OR2A12: variants seen among roughly 807,000 people sequenced by gnomAD.
OR2A12 encodes the protein olfactory receptor family 2 subfamily A member 12.
For synonymous variants in OR2A12, 153 were observed against 149.3 expected (o/e 1.02, Z -0.18); for missense variants, 380 against 372.5 (o/e 1.02, Z -0.17).
Position 144,097,086 on chromosome 7 carries a change from A to G in OR2A12, c.*1046A>G, listed in dbSNP as rs2051270515. 6.6e-6 allele frequency: 1 copy of G among 152,138 alleles called. No homozygotes were observed. The highest frequency in any genetic ancestry group is 1.5e-5 in the Non-Finnish European group (1 of 68,020). 9.4% of individuals were successfully genotyped at this position (152,138 alleles called of 1,614,324 possible). A position where few individuals can be genotyped will look rare whatever the true frequency, so the allele number is the denominator to read the frequency against. ...TCACACGTGCACACACATTTGAGAA[A>G]GAAGAAACAAACTGTAATTACATAC... On this transcript the variant is annotated 3_prime_UTR_variant, in exon 2 of 2. Transcript: ENST00000641592.
Position 144,098,066 on chromosome 7 carries a change from T to C in OR2A12, c.*2026T>C, listed in dbSNP as rs1466490865. ...TGAAAGGACAAGCCACAAAATCTTC[T>C]GGAAGACTTTCTGATTTATCAGCTC... On this transcript the variant is annotated 3_prime_UTR_variant, in exon 2 of 2. Coordinates refer to ENST00000641592, the MANE Select transcript of OR2A12 (RefSeq NM_001004135.2). 6.6e-6 allele frequency: 1 copy of C among 152,210 alleles called. No individual in the cohort carries two copies. Among genetic ancestry groups the C allele is most frequent in the Non-Finnish European group, 1.5e-5 (1 of 68,046 alleles). The allele number at this position is 152,210 out of a possible 1,614,324, so 9.4% of individuals were successfully genotyped here.
In OR2A12 at chr7:144,096,681, A is replaced by G. The variant is rs1374184756; in HGVS notation, c.*641A>G. The G allele has an allele frequency of 6.6e-6, 1 of 152,180 alleles. No individual in the cohort carries two copies. Among genetic ancestry groups the G allele is most frequent in the Admixed American group, 6.5e-5 (1 of 15,278 alleles). 9.4% of individuals were successfully genotyped at this position (152,180 alleles called of 1,614,324 possible). ...CTATGTATACCCTTAAAATGCAGCAATAATTTAACATTAAAACAAACAACA... is the reference window on the plus strand; with the variant it reads ...CTATGTATACCCTTAAAATGCAGCAGTAATTTAACATTAAAACAAACAACA... On this transcript the variant is annotated 3_prime_UTR_variant, in exon 2 of 2. Coordinates refer to ENST00000641592, the MANE Select transcript of OR2A12 (RefSeq NM_001004135.2).
Position 144,098,884 on chromosome 7 carries a change from C to G in OR2A12, c.*2844C>G, listed in dbSNP as rs2051284373. ...AGTTATCAGGATCATTGAAGGAGGACTTTCTTTCTCTCTTTCTTCCTTTCT... is the reference window on the plus strand; with the variant it reads ...AGTTATCAGGATCATTGAAGGAGGAGTTTCTTTCTCTCTTTCTTCCTTTCT... On this transcript the variant is annotated 3_prime_UTR_variant, in exon 2 of 2. Coordinates refer to ENST00000641592, the MANE Select transcript of OR2A12 (RefSeq NM_001004135.2). 1 of 152,106 alleles carries G rather than the reference C, an allele frequency of 6.6e-6. No individual in the cohort carries two copies. The highest frequency in any genetic ancestry group is 2.4e-5 in the African/African-American group (1 of 41,508). 9.4% of individuals were successfully genotyped at this position (152,106 alleles called of 1,614,324 possible).
chr7:144,089,304 G>T (rs1263196026), intron 1 of OR2A12, among the ~76,000 whole-genome samples: 1 of 151,446 alleles, frequency 6.6e-6, no homozygotes, highest in Non-Finnish European at 1.5e-5. Context: ...CGGTGTGGGG[G>T]TGTGCGTGTG....
chr7:144,093,975 C>T (rs891607097), intron 1 of OR2A12, among the ~76,000 whole-genome samples: 2 of 152,036 alleles, frequency 1.3e-5, no homozygotes, highest in Non-Finnish European at 2.9e-5. Context: ...CAGAGAAATG[C>T]AAATCAAAAC....
In OR2A12 at chr7:144,095,312, G is replaced by T. The variant is rs1332618865; in HGVS notation, c.205G>T (p.Asp69Tyr). 2 of 1,614,034 alleles carry T rather than the reference G, an allele frequency of 1.2e-6. No individual in the cohort carries two copies. Among genetic ancestry groups the T allele is most frequent in the Admixed American group, 1.7e-5 (1 of 60,018 alleles). Reference sequence around the variant, plus strand: ...CTTCCTGTCACACCTGGCCATTGTGGACATGTCCTATGCCTCGAGTACTGT... The same window carrying T: ...CTTCCTGTCACACCTGGCCATTGTGTACATGTCCTATGCCTCGAGTACTGT... ...YVFLSHLAIV[D>Y]MSYASSTVPK... Residue 69 changes from aspartate to tyrosine, a missense_variant, in exon 2 of 2, where the codon GAC becomes TAC. By Grantham distance (160) the Asp-to-Tyr change is radical. Coordinates refer to ENST00000641592, the MANE Select transcript of OR2A12 (RefSeq NM_001004135.2).
chr7:144,087,143 A>G (rs2051193190), intron 1 of OR2A12, among the ~76,000 whole-genome samples: 1 of 152,150 alleles, frequency 6.6e-6, no homozygotes, highest in Non-Finnish European at 1.5e-5. Flanking sequence ...GGTGTTACAT[A>G]GTTTTTCCTG....
intron 1 of OR2A12, among the ~76,000 whole-genome samples, chr7:144,091,641 T>G (rs2051228583): frequency 1.3e-5 from 2 of 152,118 alleles, no homozygotes; most frequent in South Asian, 2.1e-4. Context: ...ATATGTTTGT[T>G]CGCTGCTTGT....
At position 144,096,298 on chromosome 7, in the gene OR2A12, T is replaced by C. The variant is rs2051264360; in HGVS notation, c.*258T>C. The C allele has an allele frequency of 8.1e-6, 2 of 246,160 alleles. No homozygotes were observed. The highest frequency in any genetic ancestry group is 1.0e-4 in the Admixed American group (2 of 20,034). The allele number at this position is 246,160 out of a possible 1,614,324, so 15.2% of individuals were successfully genotyped here. ...GGCGAAACACTGTCTCTATTAAAAA[T>C]ACAAAAATTAGCCGGGCGTGCTGGT... is the stretch of plus-strand genomic sequence containing the variant. On this transcript the variant is annotated 3_prime_UTR_variant, in exon 2 of 2. Coordinates refer to ENST00000641592, the MANE Select transcript of OR2A12 (RefSeq NM_001004135.2).
chr7:144,086,646 T>C (rs1455369741), intron 1 of OR2A12, 103 bp downstream of exon 1: 1 of 152,188 alleles, frequency 6.6e-6, no homozygotes, highest in African/African-American at 2.4e-5. Context: ...GTCCTCAGGA[T>C]AGAAAGAGAT....
chr7:144,087,582 T>C (rs1403410929), intron 1 of OR2A12, among the ~76,000 whole-genome samples: 1 of 152,232 alleles, frequency 6.6e-6, no homozygotes, highest in East Asian at 1.9e-4. Flanking sequence ...ATTTTGCTTT[T>C]AAAAAATAAA....
chr7:144,092,694 T>C (rs1028055444), intron 1 of OR2A12, among the ~76,000 whole-genome samples: 2 of 152,114 alleles, frequency 1.3e-5, no homozygotes, highest in African/African-American at 4.8e-5. Flanking sequence ...TCTGTAGGTT[T>C]TATAGGTACT....
rs1344025449 is a variant in OR2A12, at chr7:144,095,467, T to C, written c.360T>C (p.Asp120=). ...TGATTTTGGTGATGATGTGCTATGA[T>C]CGGTATGTGGCAATCTGTCACCCCT... ...ECLILVMMCY[D]RYVAICHPLQ... Residue 120 remains aspartate (D), a synonymous_variant, in exon 2 of 2, where the codon GAT becomes GAC. Transcript: ENST00000641592. The C allele has an allele frequency of 8.1e-6, 13 of 1,613,828 alleles. No homozygotes were observed. Among genetic ancestry groups the C allele is most frequent in the Non-Finnish European group, 1.1e-5 (13 of 1,179,848 alleles).
At chr7:144,088,642 T>C (rs1052477629) in intron 1 of OR2A12, among the ~76,000 whole-genome samples, 1 of 152,234 alleles carries the variant, frequency 6.6e-6, no homozygotes, top group Non-Finnish European at 1.5e-5. Context: ...TATATTAATG[T>C]ATACATGCAT....
chr7:144,095,431 TAC>T lies in OR2A12; in HGVS notation c.326_327del (p.Thr109ArgfsTer11). The T allele has an allele frequency of 6.2e-7, 1 of 1,614,074 alleles. No individual in the cohort carries two copies. Among genetic ancestry groups the T allele is most frequent in the East Asian group, 2.2e-5 (1 of 44,876 alleles). On this transcript the variant is annotated frameshift_variant, in exon 2 of 2. Coordinates refer to ENST00000641592, the MANE Select transcript of OR2A12 (RefSeq NM_001004135.2). LOFTEE classifies it low-confidence loss of function (END_TRUNC). Reference sequence around the variant, plus strand: ...CTTTTTTGTATTTGGCGTTTGCTATTACAGAGTGTCTGATTTTGGTGATGATG... The same window carrying T: ...CTTTTTTGTATTTGGCGTTTGCTATTAGAGTGTCTGATTTTGGTGATGATG... ...QTFLYLAFAI[T>X]ECLILVMMCY...
Position 144,096,293 on chromosome 7 carries a change from A to G in OR2A12, c.*253A>G, listed in dbSNP as rs192980492. ...AACATGGCGAAACACTGTCTCTATT[A>G]AAAATACAAAAATTAGCCGGGCGTG... is the stretch of plus-strand genomic sequence containing the variant. On this transcript the variant is annotated 3_prime_UTR_variant, in exon 2 of 2. Transcript: ENST00000641592. 1 of 256,312 alleles carries G rather than the reference A, an allele frequency of 3.9e-6. No homozygotes were observed. Among genetic ancestry groups the G allele is most frequent in the Non-Finnish European group, 7.5e-6 (1 of 133,690 alleles). 15.9% of individuals were successfully genotyped at this position (256,312 alleles called of 1,614,324 possible). A position where few individuals can be genotyped will look rare whatever the true frequency, so the allele number is the denominator to read the frequency against.
chr7:144,094,610 T>C (rs548117758), intron 1 of OR2A12, among the ~76,000 whole-genome samples: 13 of 152,302 alleles, frequency 8.5e-5, no homozygotes, highest in African/African-American at 2.9e-4. Context: ...AGAGGAGAAA[T>C]TGGGAACCCA....
chr7:144,098,047 G>C lies in OR2A12; in HGVS notation c.*2007G>C, dbSNP rs1042131674. The C allele has an allele frequency of 6.6e-6, 1 of 151,860 alleles. No homozygotes were observed. The highest frequency in any genetic ancestry group is 2.4e-5 in the African/African-American group (1 of 41,362). The allele number at this position is 151,860 out of a possible 1,614,324, so 9.4% of individuals were successfully genotyped here. A position where few individuals can be genotyped will look rare whatever the true frequency, so the allele number is the denominator to read the frequency against. On this transcript the variant is annotated 3_prime_UTR_variant, in exon 2 of 2. Coordinates refer to ENST00000641592, the MANE Select transcript of OR2A12 (RefSeq NM_001004135.2). The stretch of plus-strand genomic sequence containing the variant: ...CAAAACAGGGCATAAAAAGTGAAAG[G>C]ACAAGCCACAAAATCTTCTGGAAGA...
chr7:144,089,333 CGTGTGTGCGT>C (rs2051212229), intron 1 of OR2A12, among the ~76,000 whole-genome samples: 1 of 149,640 alleles, frequency 6.7e-6, no homozygotes, highest in Non-Finnish European at 1.5e-5. Context: ...TGTGTGTGCG[CGTGTGTGCGT>C]GTGCGTCTGC....
Sources: gnomAD v4.1 joint callset for allele counts (sites outside exome capture counted in the v4.1 genomes callset) on GRCh38, gnomAD v4.1.1 for gene constraint, MANE v1.5 for transcripts, NCBI Gene and HGNC (gene_info 2026-07-23, HGNC 2026-07-21) for gene names.